The following NXPH1 variants were observed in gnomAD, a reference collection of about 807,000 sequenced individuals.
The protein encoded by NXPH1 is neurexophilin-1.
Under a neutral mutation model 23.7 loss-of-function variants are expected in NXPH1, and 5 were observed. That is an observed-to-expected ratio of 0.21 (90% confidence interval 0.11 to 0.44). NXPH1 has a LOEUF of 0.44. Among genes scored for constraint, NXPH1 ranks in the 20% least tolerant of loss-of-function variants. NXPH1 has a pLI of 0.99. For missense variants in NXPH1, 324 were observed against 321.6 expected (o/e 1.01, Z -0.06); for synonymous variants, 144 against 122.2 (o/e 1.18, Z -1.18).
At chr7:8,574,795 C>G (rs757186951) in intron 2 of NXPH1, among the ~76,000 whole-genome samples, 6 of 152,080 alleles carry the variant, frequency 3.9e-5, no homozygotes, top group Non-Finnish European at 7.4e-5. Flanking sequence ...TTCATAGGAC[C>G]TCAAATAGAG....
chr7:8,470,535 A>G (rs988229073), intron 2 of NXPH1, among the ~76,000 whole-genome samples: 2 of 152,168 alleles, frequency 1.3e-5, no homozygotes, highest in Non-Finnish European at 2.9e-5. Context: ...TTAGCTTTGT[A>G]GGGAAAAAAT....
At chr7:8,468,065 G>A (rs17149273) in intron 2 of NXPH1, among the ~76,000 whole-genome samples, 56,031 of 151,828 alleles carry the variant, frequency 0.37, 10,892 homozygotes, top group East Asian at 0.61. Flanking sequence ...TTTAAATAAA[G>A]CAAGAAAGAT....
chr7:8,465,572 T>C (rs1228373869), intron 2 of NXPH1, among the ~76,000 whole-genome samples: 2 of 152,208 alleles, frequency 1.3e-5, no homozygotes, highest in African/African-American at 2.4e-5. Flanking sequence ...TAGCGCAAGA[T>C]ACCAGGAAAG....
chr7:8,587,620 T>C (rs887746091), intron 2 of NXPH1, among the ~76,000 whole-genome samples: 1 of 152,154 alleles, frequency 6.6e-6, no homozygotes, highest in African/African-American at 2.4e-5. Context: ...TTTCTCCTAA[T>C]GATATCCCTC....
chr7:8,515,171 G>A (rs1817668345), intron 2 of NXPH1, among the ~76,000 whole-genome samples: 1 of 152,126 alleles, frequency 6.6e-6, no homozygotes, highest in African/African-American at 2.4e-5. Flanking sequence ...TAGCTGGGCT[G>A]AAAATGTTTC....
chr7:8,555,852 AC>A (rs1406612019), intron 2 of NXPH1, among the ~76,000 whole-genome samples: 3 of 151,420 alleles, frequency 2.0e-5, no homozygotes, highest in African/African-American at 7.3e-5. Flanking sequence ...CTTACATCTA[AC>A]TCTTGGGGAA....
chr7:8,513,172 G>T (rs1355144027), intron 2 of NXPH1, among the ~76,000 whole-genome samples: 1 of 152,094 alleles, frequency 6.6e-6, no homozygotes, highest in Non-Finnish European at 1.5e-5. Flanking sequence ...GGTGGTCTTT[G>T]AATGGGGTCA....
rs115072131 is a variant in NXPH1 at position 8,738,860 on chromosome 7, A to C, written c.55-12148A>C. 5.0e-3 allele frequency among the ~76,000 whole-genome samples: 757 copies of C among 152,224 alleles called. 5 individuals are homozygous for C. The highest frequency in any genetic ancestry group is 0.017 in the African/African-American group (703 of 41,550). On this transcript the variant is annotated intron_variant, in intron 2 of 2. Transcript: ENST00000405863. ...TCTAGAGAGGCACATTGGCTACAGT[A>C]GGTTTGCTGAGCTGTGGTGGGCTTC... is the stretch of plus-strand genomic sequence containing the variant.
chr7:8,513,020 C>A (rs1817635549), intron 2 of NXPH1, among the ~76,000 whole-genome samples: 1 of 152,042 alleles, frequency 6.6e-6, no homozygotes, highest in South Asian at 2.1e-4. Flanking sequence ...CTCTAAGGAC[C>A]TGGAAAAAGG....
chr7:8,678,928 A>ATTTT (rs540056222), intron 2 of NXPH1, among the ~76,000 whole-genome samples: 868 of 68,792 alleles, frequency 0.013, 96 homozygotes, highest in African/African-American at 0.019. Context: ...GCTTTATCCA[A>ATTTT]TTTTTTTTTT....
chr7:8,681,060 A>G (rs775074277), intron 2 of NXPH1, among the ~76,000 whole-genome samples: 3 of 152,192 alleles, frequency 2.0e-5, no homozygotes, highest in Non-Finnish European at 2.9e-5. Flanking sequence ...AGCCAGCGCT[A>G]ATGTCCGGTA....
chr7:8,609,374 C>T (rs1161216865), intron 2 of NXPH1, among the ~76,000 whole-genome samples: 1 of 152,018 alleles, frequency 6.6e-6, no homozygotes, highest in African/African-American at 2.4e-5. Flanking sequence ...AATCAAGAAA[C>T]AGTCTAAAAA....
At chr7:8,715,163 A>G (rs1195521586) in intron 2 of NXPH1, among the ~76,000 whole-genome samples, 1 of 152,126 alleles carries the variant, frequency 6.6e-6, no homozygotes, top group Non-Finnish European at 1.5e-5. Context: ...GCTGGTCCAA[A>G]TGCCCCCTCT....
chr7:8,509,925 G>A (rs1169900107), intron 2 of NXPH1, among the ~76,000 whole-genome samples: 1 of 152,108 alleles, frequency 6.6e-6, no homozygotes, highest in African/African-American at 2.4e-5. Flanking sequence ...CTTAATGACA[G>A]CTCTTTTAAA....
intron 2 of NXPH1, among the ~76,000 whole-genome samples, chr7:8,541,302 G>A (rs1818113688): frequency 1.3e-5 from 2 of 151,598 alleles, no homozygotes; most frequent in Non-Finnish European, 3.0e-5. Context: ...TGAAACACAA[G>A]AGAAAAGAGG....
intron 2 of NXPH1, among the ~76,000 whole-genome samples, chr7:8,638,836 C>T (rs1049149010): frequency 5.9e-5 from 9 of 152,044 alleles, no homozygotes; most frequent in Non-Finnish European, 8.8e-5. Context: ...CTTTACTGCT[C>T]GTATTTTACA....
intron 2 of NXPH1, among the ~76,000 whole-genome samples, chr7:8,464,588 G>C (rs1301123428): frequency 1.3e-5 from 2 of 152,118 alleles, no homozygotes; most frequent in African/African-American, 2.4e-5. Context: ...CTTGCCTGTA[G>C]GAGTCAAGAA....
chr7:8,647,324 A>G (rs1296350799), intron 2 of NXPH1, among the ~76,000 whole-genome samples: 1 of 152,178 alleles, frequency 6.6e-6, no homozygotes, highest in Non-Finnish European at 1.5e-5. Flanking sequence ...CAGCTAGAAG[A>G]GAAAACCTCC....
At chr7:8,438,908 A>C (rs916644954) in intron 2 of NXPH1, among the ~76,000 whole-genome samples, 1 of 152,202 alleles carries the variant, frequency 6.6e-6, no homozygotes. Flanking sequence ...AACTAATTAG[A>C]TATGTGCCCA....
Sources: allele counts gnomAD v4.1 joint callset (sites outside exome capture counted in the v4.1 genomes callset), GRCh38; gene constraint gnomAD v4.1.1; transcripts MANE v1.5; gene names NCBI Gene and HGNC (gene_info 2026-07-23, HGNC 2026-07-21).